The following HS3ST4 variants were observed in gnomAD, a reference collection of about 807,000 sequenced individuals.
HS3ST4 encodes the protein heparan sulfate glucosamine 3-O-sulfotransferase 4.
In HS3ST4, 17 loss-of-function variants were observed where a neutral mutation model predicts 29.2. The observed-to-expected ratio is 0.58, with a 90% CI of 0.40 to 0.87. The LOEUF is 0.87. HS3ST4 is among the 40% of genes least tolerant of loss of function. HS3ST4 has a pLI of 0.00. For missense variants in HS3ST4, 627 were observed against 634.5 expected (o/e 0.99, Z 0.13); for synonymous variants, 314 against 285.7 (o/e 1.10, Z -1.00).
rs142336784 is a variant in HS3ST4 at position 25,820,010 on chromosome 16, CAAAAAAAAAAAAAAAAAAAAAAAAAA to C, written c.734+126873_734+126898del. Reference sequence around the variant, plus strand: ...TGGGTGACAGAGTGATACTCTGTCTCAAAAAAAAAAAAAAAAAAAAAAAAAAAAAAAAAAAAAAAGAAAAAGAAAAA... The same window carrying C: ...TGGGTGACAGAGTGATACTCTGTCTCAAAAAAAAAAAAAGAAAAAGAAAAA... On this transcript the variant is annotated intron_variant, in intron 1 of 1. Transcript: ENST00000331351. 6.4e-4 allele frequency among the ~76,000 whole-genome samples: 30 copies of C among 46,930 alleles called. 1 individual carries two copies. The Admixed American group carries it at 1.0e-2, about 16-fold the overall frequency. 30.8% of individuals were successfully genotyped at this position (46,930 alleles called of 152,430 possible).
intron 1 of HS3ST4, among the ~76,000 whole-genome samples, chr16:25,749,643 G>A (rs554292457): frequency 6.6e-6 from 1 of 152,312 alleles, no homozygotes; most frequent in South Asian, 2.1e-4. Flanking sequence ...GCAAGCTGTT[G>A]TCCTCTATGT....
intron 1 of HS3ST4, among the ~76,000 whole-genome samples, chr16:25,874,466 A>G (rs1967807969): frequency 6.6e-6 from 1 of 152,148 alleles, no homozygotes; most frequent in South Asian, 2.1e-4. Flanking sequence ...CAGGAAAAAA[A>G]CAGAGAAAGA....
At chr16:25,973,612 C>T (rs1266229471) in intron 1 of HS3ST4, among the ~76,000 whole-genome samples, 2 of 152,186 alleles carry the variant, frequency 1.3e-5, no homozygotes, top group Non-Finnish European at 2.9e-5. Flanking sequence ...AGTTCTGTGA[C>T]CTTGGGCGTG....
intron 1 of HS3ST4, among the ~76,000 whole-genome samples, chr16:25,983,196 C>A (rs187137527): frequency 5.3e-5 from 8 of 152,182 alleles, no homozygotes; most frequent in Non-Finnish European, 1.0e-4. Context: ...CAGCCTTTTT[C>A]TTCTGGCTCA....
intron 1 of HS3ST4, among the ~76,000 whole-genome samples, chr16:25,975,830 T>C (rs573086378): frequency 6.6e-6 from 1 of 152,330 alleles, no homozygotes; most frequent in African/African-American, 2.4e-5. Flanking sequence ...AGTGTGATTC[T>C]TGCAAATGGC....
intron 1 of HS3ST4, among the ~76,000 whole-genome samples, chr16:25,844,721 T>G (rs1351573481): frequency 1.3e-5 from 2 of 152,198 alleles, no homozygotes; most frequent in Non-Finnish European, 2.9e-5. Context: ...CAAAGGAATA[T>G]AAATCATTCT....
intron 1 of HS3ST4, among the ~76,000 whole-genome samples, chr16:25,929,936 T>C (rs1968446680): frequency 6.6e-6 from 1 of 152,196 alleles, no homozygotes; most frequent in Non-Finnish European, 1.5e-5. Flanking sequence ...TTATTTTTCC[T>C]GATGCTCTCC....
At chr16:26,118,881 T>G (rs1899234635) in intron 1 of HS3ST4, among the ~76,000 whole-genome samples, 1 of 152,178 alleles carries the variant, frequency 6.6e-6, no homozygotes, top group Admixed American at 6.5e-5. Context: ...GAAAAGGGAC[T>G]TACTTTTTGT....
At chr16:26,038,620 A>C (rs1305220759) in intron 1 of HS3ST4, among the ~76,000 whole-genome samples, 1 of 151,740 alleles carries the variant, frequency 6.6e-6, no homozygotes, top group African/African-American at 2.4e-5. Flanking sequence ...ACAGCATCGC[A>C]TCCACTTCTC....
At chr16:25,945,290 T>C (rs1238978258) in intron 1 of HS3ST4, among the ~76,000 whole-genome samples, 2 of 152,202 alleles carry the variant, frequency 1.3e-5, no homozygotes, top group East Asian at 1.9e-4. Context: ...AATTGCTTTT[T>C]CCCCCCTTTC....
chr16:26,127,893 T>C (rs1899366422), intron 1 of HS3ST4, among the ~76,000 whole-genome samples: 1 of 152,232 alleles, frequency 6.6e-6, no homozygotes, highest in Admixed American at 6.5e-5. Flanking sequence ...TGAAAATTTC[T>C]CCCAATGTGT....
chr16:25,772,785 A>C (rs1023830801), intron 1 of HS3ST4, among the ~76,000 whole-genome samples: 5 of 152,168 alleles, frequency 3.3e-5, no homozygotes, highest in African/African-American at 1.2e-4. Context: ...GAGGGTGAGA[A>C]ACGTTTGACA....
intron 1 of HS3ST4, among the ~76,000 whole-genome samples, chr16:26,043,401 A>G (rs1355766349): frequency 6.6e-6 from 1 of 152,242 alleles, no homozygotes; most frequent in African/African-American, 2.4e-5. Flanking sequence ...GGTGTTTAAT[A>G]CTGGAAGGCT....
At chr16:25,899,725 G>A (rs554519735) in intron 1 of HS3ST4, among the ~76,000 whole-genome samples, 1 of 151,266 alleles carries the variant, frequency 6.6e-6, no homozygotes, top group East Asian at 2.0e-4. Flanking sequence ...TGTTGATCAG[G>A]TTGGCTGATT....
chr16:26,029,562 G>A (rs544862746), intron 1 of HS3ST4, among the ~76,000 whole-genome samples: 10 of 152,038 alleles, frequency 6.6e-5, no homozygotes, highest in Non-Finnish European at 1.3e-4. Flanking sequence ...ACAGGCATGC[G>A]CCACCATGCC....
At chr16:25,899,286 T>C (rs1354859374) in intron 1 of HS3ST4, among the ~76,000 whole-genome samples, 1 of 152,194 alleles carries the variant, frequency 6.6e-6, no homozygotes, top group African/African-American at 2.4e-5. Flanking sequence ...CCCATATCAG[T>C]TGGTGCTGTA....
intron 1 of HS3ST4, among the ~76,000 whole-genome samples, chr16:26,035,393 G>C (rs898145690): frequency 3.9e-5 from 6 of 152,098 alleles, no homozygotes; most frequent in Non-Finnish European, 5.9e-5. Flanking sequence ...ACATCCAACT[G>C]CCTCTAAATA....
chr16:26,080,043 G>C (rs1336918318), intron 1 of HS3ST4, among the ~76,000 whole-genome samples: 1 of 152,158 alleles, frequency 6.6e-6, no homozygotes, highest in Non-Finnish European at 1.5e-5. Flanking sequence ...GTATCCTGGG[G>C]AGAAATTGGA....
rs73516337 is a variant in HS3ST4, at chr16:26,068,028, C to A, written c.735-67584C>A. Reference sequence around the variant, plus strand: ...CCAGTCTTGGTTATGTCTTTATTAACAGCATTAGAACAGACTAGTGCAATC... The same window carrying A: ...CCAGTCTTGGTTATGTCTTTATTAAAAGCATTAGAACAGACTAGTGCAATC... On this transcript the variant is annotated intron_variant, in intron 1 of 1. Transcript: ENST00000331351. 2.0e-3 allele frequency among the ~76,000 whole-genome samples: 304 copies of A among 152,292 alleles called. 4 individuals carry two copies. The highest frequency in any genetic ancestry group is 7.1e-3 in the African/African-American group (293 of 41,554).
Sources: gnomAD v4.1 joint callset for allele counts (sites outside exome capture counted in the v4.1 genomes callset) on GRCh38, gnomAD v4.1.1 for gene constraint, MANE v1.5 for transcripts, NCBI Gene and HGNC (gene_info 2026-07-23, HGNC 2026-07-21) for gene names.